Variants in CCDC149 observed in about 807,000 individuals in gnomAD.
The protein encoded by CCDC149 is coiled-coil domain-containing protein 149.
A neutral mutation model predicts 59.9 loss-of-function variants in CCDC149; 45 were observed. The observed-to-expected ratio is 0.75, with a 90% CI of 0.59 to 0.96. The LOEUF (loss-of-function observed/expected upper bound fraction) is 0.96. CCDC149 is among the 40% of genes least tolerant of loss of function. CCDC149 has a pLI of 0.00. For missense variants in CCDC149, 584 were observed against 664.7 expected (o/e 0.88, Z 1.33); for synonymous variants, 245 against 260.6 (o/e 0.94, Z 0.58).
intron 4 of CCDC149, 98 bp downstream of exon 4, chr4:24,852,974 T>G: frequency 1.3e-6 from 1 of 791,658 alleles, no homozygotes; most frequent in Non-Finnish European, 2.1e-6. Context: ...AACAAACTTT[T>G]CAACAAATGC....
downstream of CCDC149, among the ~76,000 whole-genome samples, chr4:24,804,248 T>C (rs1352628695): frequency 6.6e-6 from 1 of 151,976 alleles, no homozygotes; most frequent in Non-Finnish European, 1.5e-5. Flanking sequence ...ATCCCAGCAC[T>C]TTGGGAGGCC....
chr4:24,977,543 C>A (rs1445743342), intron 1 of CCDC149, among the ~76,000 whole-genome samples: 1 of 152,140 alleles, frequency 6.6e-6, no homozygotes, highest in Non-Finnish European at 1.5e-5. Flanking sequence ...AATCAACAAG[C>A]CTGTCTAGCT....
intron 1 of CCDC149, among the ~76,000 whole-genome samples, chr4:24,945,143 C>G (rs528781593): frequency 3.9e-5 from 6 of 152,300 alleles, no homozygotes; most frequent in African/African-American, 1.4e-4. Flanking sequence ...CCCAGTAGGT[C>G]TAGGGTGGGG....
chr4:24,972,454 C>T (rs991494131), intron 1 of CCDC149, among the ~76,000 whole-genome samples: 8 of 152,032 alleles, frequency 5.3e-5, no homozygotes, highest in African/African-American at 1.2e-4. Context: ...ACTACAGGCA[C>T]GCACTACCAC....
At chr4:24,942,756 G>C (rs1329048673) in intron 1 of CCDC149, among the ~76,000 whole-genome samples, 1 of 151,964 alleles carries the variant, frequency 6.6e-6, no homozygotes, top group Non-Finnish European at 1.5e-5. Flanking sequence ...ACCAATAACA[G>C]ACAAACAGAG....
intron 1 of CCDC149, among the ~76,000 whole-genome samples, chr4:24,949,471 G>C (rs951222678): frequency 6.6e-6 from 1 of 152,022 alleles, no homozygotes; most frequent in African/African-American, 2.4e-5. Flanking sequence ...TCCCTCATCT[G>C]TCATTATTCA....
intron 4 of CCDC149, among the ~76,000 whole-genome samples, chr4:24,850,260 T>C (rs1717576709): frequency 1.3e-5 from 2 of 152,300 alleles, no homozygotes; most frequent in South Asian, 2.1e-4. Flanking sequence ...TACCTACCTA[T>C]CAAGAACTAA....
intron 11 of CCDC149, 142 bp from the exon 12 acceptor site, chr4:24,820,117 C>T (rs1183739744): frequency 3.2e-6 from 2 of 620,928 alleles, no homozygotes; most frequent in East Asian, 2.8e-5. Context: ...TGCTGACATG[C>T]TCCATACTTC....
chr4:24,938,762 C>T (rs565981057), intron 1 of CCDC149, among the ~76,000 whole-genome samples: 11 of 152,300 alleles, frequency 7.2e-5, no homozygotes, highest in South Asian at 2.1e-4. Context: ...GCACATGGCT[C>T]GGAGGGTCCT....
intron 3 of CCDC149, among the ~76,000 whole-genome samples, chr4:24,866,189 C>A (rs927766914): frequency 6.6e-6 from 1 of 152,130 alleles, no homozygotes; most frequent in Non-Finnish European, 1.5e-5. Flanking sequence ...TCTGATTTTT[C>A]CAGGGTTGTC....
intron 3 of CCDC149, among the ~76,000 whole-genome samples, chr4:24,873,230 G>C (rs949927195): frequency 9.4e-5 from 14 of 148,170 alleles, no homozygotes; most frequent in Non-Finnish European, 1.9e-4. Context: ...GTACCCATAG[G>C]AGAGTATACA....
chr4:24,948,025 C>A (rs1723171117), intron 1 of CCDC149, among the ~76,000 whole-genome samples: 1 of 152,114 alleles, frequency 6.6e-6, no homozygotes. Context: ...ATAGGGAGAG[C>A]CTTCGTTCCC....
chr4:24,826,323 A>C, intron 9 of CCDC149, among the ~76,000 whole-genome samples: 1 of 152,150 alleles, frequency 6.6e-6, no homozygotes, highest in East Asian at 1.9e-4. Context: ...CTTCATGCCT[A>C]GTTGAGAATG....
Position 24,838,215 on chromosome 4 carries a change from G to A in CCDC149, c.430C>T (p.His144Tyr). Reference sequence around the variant, plus strand: ...TCTTCACGCTCATGGGCTGCAAAGTGTCGCACGCCGATTGCTTCGTCTCCG... The same window carrying A: ...TCTTCACGCTCATGGGCTGCAAAGTATCGCACGCCGATTGCTTCGTCTCCG... Residue 144 changes from histidine (H) to tyrosine (Y), a missense_variant, in exon 5 of 13, where the codon CAC becomes TAC. His to Tyr is a moderately conservative substitution (Grantham distance 83). Transcript: ENST00000635206. 6.2e-7 allele frequency: 1 copy of A among 1,614,172 alleles called. No individual in the cohort carries two copies. The highest frequency in any genetic ancestry group is 8.5e-7 in the Non-Finnish European group (1 of 1,180,026).
chr4:24,863,170 G>T (rs575258530), intron 3 of CCDC149, among the ~76,000 whole-genome samples: 1 of 152,122 alleles, frequency 6.6e-6, no homozygotes, highest in African/African-American at 2.4e-5. Context: ...GTATGCACCC[G>T]TAGTCCCAGC....
chr4:24,907,706 T>A (rs1721617703), intron 1 of CCDC149, among the ~76,000 whole-genome samples: 1 of 152,150 alleles, frequency 6.6e-6, no homozygotes, highest in Non-Finnish European at 1.5e-5. Flanking sequence ...TTGGTTATAG[T>A]CACTTCCAAG....
At chr4:24,854,161 G>A (rs61792822) in intron 3 of CCDC149, among the ~76,000 whole-genome samples, 1,599 of 152,190 alleles carry the variant, frequency 0.011, 14 homozygotes, top group Middle Eastern at 0.034. Context: ...ATTCCTGGCC[G>A]CCCATCTAGC....
Position 24,814,516 on chromosome 4 carries a change from G to A in CCDC149, c.1192+5343C>T, listed in dbSNP as rs115975694. Among the ~76,000 whole-genome samples the A allele has an allele frequency of 3.2e-3, 488 of 152,290 alleles. 6 individuals are homozygous for A. The highest frequency in any genetic ancestry group is 9.8e-3 in the African/African-American group (407 of 41,556). ...CTAAAGCTTCGCTACCCAAAGTGTGGTTCATGGACCAGCAGTGGCAGCATC... is the reference window on the plus strand; with the variant it reads ...CTAAAGCTTCGCTACCCAAAGTGTGATTCATGGACCAGCAGTGGCAGCATC... On this transcript the variant is annotated intron_variant, in intron 12 of 12. Transcript: ENST00000635206.
At chr4:24,954,298 C>G (rs367907271) in intron 1 of CCDC149, among the ~76,000 whole-genome samples, 32 of 152,276 alleles carry the variant, frequency 2.1e-4, no homozygotes, top group African/African-American at 7.5e-4. Flanking sequence ...TGCAGATTTT[C>G]CAGGCAGGTG....
Sources: allele counts gnomAD v4.1 joint callset (sites outside exome capture counted in the v4.1 genomes callset), GRCh38; gene constraint gnomAD v4.1.1; transcripts MANE v1.5; gene names NCBI Gene and HGNC (gene_info 2026-07-23, HGNC 2026-07-21).